The following TBC1D4 variants were observed in gnomAD, a reference collection of about 807,000 sequenced individuals.
TBC1D4 encodes the protein TBC (Tre-2, BUB2, CDC16) domain-containing protein.
In TBC1D4, 121 loss-of-function variants were observed where a neutral mutation model predicts 142.5. That is an observed-to-expected ratio of 0.85 (90% CI 0.73 to 0.99). The LOEUF is 0.99. TBC1D4 is among the 50% of genes least tolerant of loss of function. The pLI is 0.00. For missense variants in TBC1D4, 1,475 were observed against 1,606.6 expected (o/e 0.92, Z 1.40); for synonymous variants, 630 against 628.2 (o/e 1.00, Z -0.04).
intron 1 of TBC1D4, among the ~76,000 whole-genome samples, chr13:75,442,910 T>C (rs753892977): frequency 1.8e-4 from 28 of 152,222 alleles, no homozygotes; most frequent in Non-Finnish European, 2.9e-4. Context: ...GCCTCTTCTC[T>C]CTGCCTAGTC....
chr13:75,373,499 T>C (rs975688271), intron 1 of TBC1D4, among the ~76,000 whole-genome samples: 6 of 152,172 alleles, frequency 3.9e-5, no homozygotes, highest in African/African-American at 1.4e-4. Context: ...CGGATGCTAA[T>C]CTCTGACCCG....
intron 12 of TBC1D4, among the ~76,000 whole-genome samples, chr13:75,319,734 A>G (rs946647927): frequency 1.3e-5 from 2 of 152,228 alleles, no homozygotes; most frequent in Non-Finnish European, 2.9e-5. Context: ...TAAAATTAAA[A>G]TTAGGCTTTG....
At chr13:75,348,137 C>T (rs1334023231) in intron 5 of TBC1D4, among the ~76,000 whole-genome samples, 1 of 152,054 alleles carries the variant, frequency 6.6e-6, no homozygotes, top group Non-Finnish European at 1.5e-5. Flanking sequence ...CAAGGCTGTG[C>T]CTCAAAACAA....
intron 1 of TBC1D4, among the ~76,000 whole-genome samples, chr13:75,431,440 T>C (rs1193780756): frequency 1.3e-5 from 2 of 152,204 alleles, no homozygotes; most frequent in Non-Finnish European, 2.9e-5. Context: ...GATACCTAAC[T>C]GTCACACAAA....
At chr13:75,292,699 T>G (rs1875441983) in intron 18 of TBC1D4, among the ~76,000 whole-genome samples, 1 of 150,330 alleles carries the variant, frequency 6.7e-6, no homozygotes, top group Admixed American at 6.6e-5. Context: ...AGCTATGTAA[T>G]TAAATCTATA....
intron 1 of TBC1D4, among the ~76,000 whole-genome samples, chr13:75,385,237 T>C (rs1394277547): frequency 2.6e-5 from 4 of 152,202 alleles, no homozygotes; most frequent in Non-Finnish European, 5.9e-5. Context: ...TATGGCACTA[T>C]ATTTAGCCAC....
intron 1 of TBC1D4, among the ~76,000 whole-genome samples, chr13:75,413,231 G>A (rs999744418): frequency 1.3e-5 from 2 of 151,792 alleles, no homozygotes; most frequent in African/African-American, 4.8e-5. Context: ...ACACAATCTC[G>A]GCTCACTGCA....
intron 12 of TBC1D4, among the ~76,000 whole-genome samples, chr13:75,315,081 C>T (rs1233397350): frequency 6.6e-6 from 1 of 151,814 alleles, no homozygotes; most frequent in Non-Finnish European, 1.5e-5. Flanking sequence ...CCGAGGCAGG[C>T]AGATCACTTG....
At chr13:75,480,881 A>ACGCACG (rs1888827538) in intron 1 of TBC1D4, among the ~76,000 whole-genome samples, 1 of 113,766 alleles carries the variant, frequency 8.8e-6, no homozygotes, top group African/African-American at 2.6e-5. Flanking sequence ...ACGCACGCAC[A>ACGCACG]CACACACACA....
chr13:75,331,299 G>A (rs960976518), intron 8 of TBC1D4, among the ~76,000 whole-genome samples: 1 of 151,894 alleles, frequency 6.6e-6, no homozygotes. Context: ...TTCGAGACCA[G>A]CCTGGGCAAC....
intron 1 of TBC1D4, among the ~76,000 whole-genome samples, chr13:75,435,652 A>T (rs1159462968): frequency 6.6e-6 from 1 of 152,204 alleles, no homozygotes; most frequent in Admixed American, 6.5e-5. Context: ...GTGGCAACGA[A>T]TATACCAAGT....
chr13:75,402,814 T>A (rs768111179), intron 1 of TBC1D4, among the ~76,000 whole-genome samples: 5 of 152,072 alleles, frequency 3.3e-5, no homozygotes, highest in Admixed American at 6.5e-5. Flanking sequence ...GTAAGAGAGA[T>A]ATGAGAGACT....
chr13:75,293,826 C>T (rs1042640701), intron 18 of TBC1D4, among the ~76,000 whole-genome samples: 22 of 152,168 alleles, frequency 1.4e-4, no homozygotes, highest in African/African-American at 2.4e-4. Flanking sequence ...CAAATTTCTC[C>T]AAACAACATA....
chr13:75,367,077 T>C (rs1882956612), intron 1 of TBC1D4: 1 of 694,408 alleles, frequency 1.4e-6, no homozygotes, highest in Non-Finnish European at 1.8e-6. Context: ...ATGCAGCCAA[T>C]TATAAAACTT....
intron 1 of TBC1D4, among the ~76,000 whole-genome samples, chr13:75,452,659 T>C (rs1243526018): frequency 6.6e-6 from 1 of 152,212 alleles, no homozygotes; most frequent in African/African-American, 2.4e-5. Flanking sequence ...TTTTTACAAA[T>C]TGCCGTAAGT....
chr13:75,362,511 A>G lies in TBC1D4; in HGVS notation c.595T>C (p.Ser199Pro). The change falls in exon 2 of 21, where the codon TCT becomes CCT. Residue 199 changes from serine (S) to proline (P), a missense_variant. Ser to Pro is a moderately conservative substitution (Grantham distance 74). Transcript: ENST00000377636. This position sits in a 1 kb window ranked among gnomAD's most constrained non-coding sequence, Gnocchi z 4.2. ...SKDNEDAFYNSQKFEVLYCGK... is the reference protein window; with the variant it reads ...SKDNEDAFYNPQKFEVLYCGK... ...CAGTACAGGACTTCGAACTTCTGAGAGTTGTAAAAGGCGTCCTCATTATCT... is the reference window on the plus strand; with the variant it reads ...CAGTACAGGACTTCGAACTTCTGAGGGTTGTAAAAGGCGTCCTCATTATCT... 5 of 1,614,184 alleles carry G rather than the reference A, an allele frequency of 3.1e-6. No homozygotes were observed. The highest frequency in any genetic ancestry group is 4.2e-6 in the Non-Finnish European group (5 of 1,180,032).
chr13:75,295,411 T>C (rs1345007816), intron 17 of TBC1D4, among the ~76,000 whole-genome samples: 1 of 152,206 alleles, frequency 6.6e-6, no homozygotes. Context: ...GAATCTACCA[T>C]GTTCAGTGCA....
chr13:75,366,996 G>A (rs1354491855), intron 1 of TBC1D4: 60 of 984,950 alleles, frequency 6.1e-5, no homozygotes, highest in Non-Finnish European at 7.2e-5. Flanking sequence ...CTCAGTATTA[G>A]CTCTAAGTTC....
rs528013913 is a variant in TBC1D4, at chr13:75,421,187, T to C, written c.499-58580A>G. Among the ~76,000 whole-genome samples the C allele has an allele frequency of 2.6e-5, 4 of 152,342 alleles. No individual in the cohort carries two copies. In the East Asian group the frequency reaches 7.7e-4, roughly 29 times the overall value. ...CCCACTGCTCAGGTATCTGAGGTAC[T>C]TCTCACTCACTGTGTGCAGATGATG... is the stretch of plus-strand genomic sequence containing the variant. On this transcript the variant is annotated intron_variant, in intron 1 of 20. Coordinates refer to ENST00000377636, the MANE Select transcript of TBC1D4 (RefSeq NM_014832.5).
Sources: gnomAD v4.1 joint callset for allele counts (sites outside exome capture counted in the v4.1 genomes callset) on GRCh38, gnomAD v4.1.1 for gene constraint, Gnocchi (gnomAD v3.1) non-coding constraint, MANE v1.5 for transcripts, NCBI Gene and HGNC (gene_info 2026-07-23, HGNC 2026-07-21) for gene names.